NUP160: variants seen among roughly 807,000 people sequenced by gnomAD.
NUP160 encodes the protein nuclear pore complex protein Nup160.
Under a neutral mutation model 196.9 loss-of-function variants are expected in NUP160, and 94 were observed. The observed-to-expected ratio is 0.48, with a 90% CI of 0.40 to 0.57. NUP160 has a LOEUF of 0.57. Ranked by LOEUF, NUP160 falls within the 20% of genes least tolerant of loss-of-function variation. The pLI is 0.00. For synonymous variants in NUP160, 605 were observed against 619.7 expected, an observed-to-expected ratio of 0.98 and a Z score of 0.35; for missense variants, 1,638 against 1,748.3, an observed-to-expected ratio of 0.94 and a Z score of 1.13.
chr11:47,813,176 T>C (rs2097682142), intron 14 of NUP160, 129 bp from the exon 15 acceptor site: 4 of 960,222 alleles, frequency 4.2e-6, no homozygotes, highest in Non-Finnish European at 1.6e-6. Context: ...TTTGGTCTCT[T>C]AAGTGTTCAT....
chr11:47,792,067 T>A, intron 28 of NUP160, 77 bp from the exon 29 acceptor site: 1 of 993,808 alleles, frequency 1.0e-6, no homozygotes, highest in Non-Finnish European at 1.5e-6. Context: ...ATTCATAGCT[T>A]TTATGCTTAA....
At chr11:47,778,423 A>G (rs1019109502) in exon 36 of NUP160, 4 of 152,616 alleles carry the variant, frequency 2.6e-5, no homozygotes, top group Non-Finnish European at 5.9e-5. Context: ...GAAGTTAACA[A>G]TTTACTCTGA....
intron 7 of NUP160, among the ~76,000 whole-genome samples, 157 bp from the exon 8 acceptor site, chr11:47,822,321 G>A (rs1480386523): frequency 1.3e-5 from 2 of 151,716 alleles, no homozygotes; most frequent in Admixed American, 6.6e-5. Flanking sequence ...GCAATGGCAC[G>A]ATCTCAGCTC....
chr11:47,788,696 A>C (rs2097666160), intron 29 of NUP160, 85 bp from the exon 30 acceptor site: 1 of 752,958 alleles, frequency 1.3e-6, no homozygotes. Context: ...TTTCCACTGA[A>C]CATTAAGTAA....
rs754812107 is a variant in NUP160 at position 47,840,462 on chromosome 11, A to G, written c.441T>C (p.Thr147=). Residue 147 remains threonine (T), a synonymous_variant, in exon 3 of 36, where the codon ACT becomes ACC. Transcript: ENST00000378460. ...ACATCAAGATTATCACACGATTCTG[A>G]GTCTCAGAGACATAAACCCCTCCAG... 3 of 1,614,062 alleles carry G rather than the reference A, an allele frequency of 1.9e-6. No homozygotes were observed. In the East Asian group the frequency reaches 6.7e-5, roughly 36 times the overall value.
intron 7 of NUP160, among the ~76,000 whole-genome samples, chr11:47,831,842 C>CAAAAA (rs372159602): frequency 4.5e-5 from 3 of 66,664 alleles, no homozygotes; most frequent in Admixed American, 2.7e-4. Flanking sequence ...GACTCTCTCT[C>CAAAAA]AAAAAAAAAA....
chr11:47,806,490 C>T, intron 19 of NUP160, 178 bp from the exon 20 acceptor site: 1 of 533,132 alleles, frequency 1.9e-6, no homozygotes, highest in South Asian at 2.8e-5. Flanking sequence ...AATTGTGAGG[C>T]ACTATAAAAA....
At chr11:47,807,397 G>A (rs1055759683) in intron 18 of NUP160, among the ~76,000 whole-genome samples, 1 of 152,142 alleles carries the variant, frequency 6.6e-6, no homozygotes, top group Admixed American at 6.5e-5. Flanking sequence ...GGGGTGTGGT[G>A]GCTCATGCCT....
intron 27 of NUP160, among the ~76,000 whole-genome samples, chr11:47,793,396 T>C (rs1040026931): frequency 6.8e-6 from 1 of 147,156 alleles, no homozygotes; most frequent in African/African-American, 2.5e-5. Context: ...CTCCCCAAAA[T>C]CACATGTTGG....
intron 22 of NUP160, among the ~76,000 whole-genome samples, chr11:47,802,949 G>A (rs1265945859): frequency 6.6e-6 from 1 of 152,072 alleles, no homozygotes; most frequent in Non-Finnish European, 1.5e-5. Context: ...TTACACCACT[G>A]CACTCCAGTC....
intron 23 of NUP160, 80 bp from the exon 24 acceptor site, chr11:47,798,543 A>G: frequency 1.2e-6 from 1 of 807,370 alleles, no homozygotes; most frequent in East Asian, 2.6e-5. Flanking sequence ...AAAATTATTG[A>G]GAAAGGTTAA....
chr11:47,799,033 GTAAA>G (rs2097672598), intron 23 of NUP160, among the ~76,000 whole-genome samples: 1 of 149,878 alleles, frequency 6.7e-6, no homozygotes. Context: ...GTAAAGAATA[GTAAA>G]TAAACACCAT....
intron 4 of NUP160, 73 bp downstream of exon 4, chr11:47,839,770 T>C (rs1599348903): frequency 1.6e-6 from 2 of 1,247,042 alleles, no homozygotes; most frequent in East Asian, 2.3e-5. Flanking sequence ...CTGCATTGGA[T>C]GACGAGGTTG....
chr11:47,811,066 T>C (rs1446169347), intron 17 of NUP160, among the ~76,000 whole-genome samples: 1 of 151,990 alleles, frequency 6.6e-6, no homozygotes, highest in Non-Finnish European at 1.5e-5. Flanking sequence ...GGACATTCAG[T>C]AGGGTGGGTG....
chr11:47,828,017 G>A (rs1852005318), intron 7 of NUP160, among the ~76,000 whole-genome samples: 2 of 152,132 alleles, frequency 1.3e-5, no homozygotes, highest in South Asian at 4.1e-4. Context: ...CTATAGGAAT[G>A]AGCCACCATG....
chr11:47,793,679 T>C (rs180923710), intron 27 of NUP160, among the ~76,000 whole-genome samples: 36 of 149,228 alleles, frequency 2.4e-4, no homozygotes, highest in Admixed American at 2.1e-3. Flanking sequence ...AAATTTGACA[T>C]ATAAATACAA....
intron 34 of NUP160, among the ~76,000 whole-genome samples, chr11:47,781,355 A>C (rs1045408216): frequency 6.6e-6 from 1 of 151,856 alleles, no homozygotes; most frequent in South Asian, 2.1e-4. Flanking sequence ...CTCAACCTCC[A>C]GGGCTCATGT....
intron 2 of NUP160, among the ~76,000 whole-genome samples, chr11:47,844,075 TTTTC>T (rs1201245407): frequency 6.6e-6 from 1 of 152,256 alleles, no homozygotes; most frequent in Admixed American, 6.5e-5. Flanking sequence ...CCTGTGACTC[TTTTC>T]TTTCTGTATA....
exon 9 of NUP160, chr11:47,821,727 T>C: frequency 6.2e-7 from 1 of 1,611,098 alleles, no homozygotes. Context: ...CCCATACTGT[T>C]CAAAGTTGAT....
Sources: allele counts gnomAD v4.1 joint callset (sites outside exome capture counted in the v4.1 genomes callset), GRCh38; gene constraint gnomAD v4.1.1; transcripts MANE v1.5; gene names NCBI Gene and HGNC (gene_info 2026-07-23, HGNC 2026-07-21).